The following CNTN4 variants were observed in gnomAD, a reference collection of about 807,000 sequenced individuals.
The protein encoded by CNTN4 is contactin 4, also known as contactin-4.
CNTN4 carries 77 observed loss-of-function variants against 122.5 expected under a neutral mutation model. The observed-to-expected ratio is 0.63, with a 90% CI of 0.52 to 0.76. The LOEUF is 0.76. Ranked by LOEUF, CNTN4 falls within the 30% of genes least tolerant of loss-of-function variation. The pLI is 0.00. For missense variants in CNTN4, 1,256 were observed against 1,259.1 expected, an observed-to-expected ratio of 1.00 and a Z score of 0.04; for synonymous variants, 512 against 447.0, an observed-to-expected ratio of 1.15 and a Z score of -1.83.
chr3:2,700,820 C>A (rs1227364531), intron 4 of CNTN4, among the ~76,000 whole-genome samples: 1 of 152,200 alleles, frequency 6.6e-6, no homozygotes, highest in African/African-American at 2.4e-5. Flanking sequence ...CAAACAGTTT[C>A]TATCAGGGAC....
At chr3:2,647,100 G>T (rs1042372152) in intron 4 of CNTN4, among the ~76,000 whole-genome samples, 1 of 152,024 alleles carries the variant, frequency 6.6e-6, no homozygotes, top group African/African-American at 2.4e-5. Context: ...AAAAAGCAAG[G>T]CCAGGCACGG....
At chr3:2,699,809 C>T (rs927441506) in intron 4 of CNTN4, among the ~76,000 whole-genome samples, 3 of 152,142 alleles carry the variant, frequency 2.0e-5, no homozygotes, top group Non-Finnish European at 2.9e-5. Flanking sequence ...CTGGCTTAGC[C>T]TCATGGGCCT....
intron 2 of CNTN4, among the ~76,000 whole-genome samples, chr3:2,331,781 G>C (rs1026325433): frequency 1.3e-5 from 2 of 152,178 alleles, no homozygotes; most frequent in African/African-American, 4.8e-5. Flanking sequence ...TGGGTTGAAT[G>C]AAGGTTGCCA....
chr3:2,943,156 T>C (rs2094633380), intron 13 of CNTN4, among the ~76,000 whole-genome samples: 1 of 152,080 alleles, frequency 6.6e-6, no homozygotes. Context: ...GCAAGTTCCT[T>C]GGGAGAATCA....
chr3:2,261,753 A>G (rs1446813404), intron 2 of CNTN4, among the ~76,000 whole-genome samples: 1 of 152,152 alleles, frequency 6.6e-6, no homozygotes, highest in African/African-American at 2.4e-5. Flanking sequence ...TTAGATGTGG[A>G]ATTTTCAGAC....
At chr3:2,988,537 A>G (rs1694785286) in intron 14 of CNTN4, 65 bp downstream of exon 14, 3 of 1,556,908 alleles carry the variant, frequency 1.9e-6, no homozygotes, top group Non-Finnish European at 2.7e-6. Context: ...AATGTAATCT[A>G]CCGAAGTGGC....
At chr3:2,705,836 AATATATAAT>A (rs1559409070) in intron 4 of CNTN4, among the ~76,000 whole-genome samples, 1 of 105,058 alleles carries the variant, frequency 9.5e-6, no homozygotes, top group Non-Finnish European at 1.7e-5. Context: ...AAATATATAT[AATATATAAT>A]ATATAATATA....
intron 4 of CNTN4, among the ~76,000 whole-genome samples, chr3:2,605,630 G>T (rs2081226378): frequency 6.6e-6 from 1 of 152,190 alleles, no homozygotes; most frequent in African/African-American, 2.4e-5. Context: ...TGGAGGTAGA[G>T]ATTGGGAGAC....
At chr3:2,310,632 C>A (rs2042880299) in intron 2 of CNTN4, among the ~76,000 whole-genome samples, 1 of 152,058 alleles carries the variant, frequency 6.6e-6, no homozygotes, top group Non-Finnish European at 1.5e-5. Flanking sequence ...ATTACTTGTT[C>A]CCTTTTAAAA....
intron 2 of CNTN4, among the ~76,000 whole-genome samples, chr3:2,334,272 C>G (rs771941346): frequency 2.6e-5 from 4 of 152,174 alleles, no homozygotes; most frequent in Non-Finnish European, 5.9e-5. Context: ...ATTCTCCTGC[C>G]TCAGCCTCCC....
intron 16 of CNTN4, among the ~76,000 whole-genome samples, chr3:3,033,385 A>T (rs1017977148): frequency 1.3e-5 from 2 of 152,252 alleles, no homozygotes; most frequent in African/African-American, 4.8e-5. Flanking sequence ...CTGTGGGTCT[A>T]TAAAAGTGAT....
chr3:2,940,624 A>C (rs1344421538), intron 13 of CNTN4, among the ~76,000 whole-genome samples: 4 of 152,154 alleles, frequency 2.6e-5, no homozygotes, highest in Non-Finnish European at 5.9e-5. Flanking sequence ...GATGATTCTC[A>C]AGGAGAGAGC....
At chr3:2,693,524 A>G (rs1008580264) in intron 4 of CNTN4, among the ~76,000 whole-genome samples, 4 of 152,184 alleles carry the variant, frequency 2.6e-5, no homozygotes, top group African/African-American at 4.8e-5. Context: ...TATGTTTTAA[A>G]TAATAACATG....
rs139870600 is a variant in CNTN4, at chr3:2,836,289, C to A, written c.454+16708C>A. Among the ~76,000 whole-genome samples, 207 of 152,216 alleles carry A rather than the reference C, an allele frequency of 1.4e-3. 1 individual carries two copies. The highest frequency in any genetic ancestry group is 4.7e-3 in the African/African-American group (196 of 41,534). ...AATATTTTAAAGTTTTAATGTAATT[C>A]TCTTGCCAAATAATTTGTGGCACAG... On this transcript the variant is annotated intron_variant, in intron 7 of 24. Transcript: ENST00000418658.
chr3:2,187,711 C>T (rs551376088), intron 2 of CNTN4, among the ~76,000 whole-genome samples: 1 of 152,222 alleles, frequency 6.6e-6, no homozygotes, highest in East Asian at 1.9e-4. Flanking sequence ...CTATGCAGGG[C>T]CCTTGCAAAT....
intron 2 of CNTN4, among the ~76,000 whole-genome samples, chr3:2,321,287 T>A (rs554994292): frequency 6.6e-6 from 1 of 152,238 alleles, no homozygotes; most frequent in East Asian, 1.9e-4. Flanking sequence ...CACATAGATA[T>A]GGGTTCAAAT....
chr3:2,291,891 G>A (rs2042149197), intron 2 of CNTN4, among the ~76,000 whole-genome samples: 2 of 151,978 alleles, frequency 1.3e-5, no homozygotes, highest in African/African-American at 4.8e-5. Context: ...TCGCTACCAT[G>A]CATGACTAAT....
intron 3 of CNTN4, among the ~76,000 whole-genome samples, chr3:2,491,984 A>C (rs1428784115): frequency 6.6e-6 from 1 of 151,658 alleles, no homozygotes; most frequent in East Asian, 1.9e-4. Flanking sequence ...GTTTTTTTTT[A>C]GTTACCTGTG....
intron 20 of CNTN4, 181 bp downstream of exon 20, chr3:3,040,452 G>T: frequency 1.6e-6 from 1 of 644,636 alleles, no homozygotes; most frequent in Non-Finnish European, 2.8e-6. Flanking sequence ...AAAAGATAGC[G>T]ACTGCTCTGT....
Sources: allele counts gnomAD v4.1 joint callset (sites outside exome capture counted in the v4.1 genomes callset), GRCh38; gene constraint gnomAD v4.1.1; transcripts MANE v1.5; gene names NCBI Gene and HGNC (gene_info 2026-07-23, HGNC 2026-07-21).